Variants in RAP1GAP2 observed in about 807,000 individuals in gnomAD.
RAP1GAP2 encodes rap1 GTPase-activating protein 2.
In RAP1GAP2, 27 loss-of-function variants were observed where a neutral mutation model predicts 95.0. The ratio of observed to expected loss-of-function variants is 0.28; its 90% CI spans 0.21 to 0.39. The LOEUF is 0.39. Among genes scored for constraint, RAP1GAP2 ranks in the 10% least tolerant of loss-of-function variants. The pLI is 1.00. For missense variants in RAP1GAP2, 771 were observed against 970.0 expected (o/e 0.79, Z 2.72); for synonymous variants, 373 against 380.9 (o/e 0.98, Z 0.24).
rs933591296 is a variant in RAP1GAP2, at chr17:3,027,208, G to A, written c.2107+138G>A. 4 of 1,110,872 alleles carry A rather than the reference G, an allele frequency of 3.6e-6. No homozygotes were observed. Among genetic ancestry groups the A allele is most frequent in the Non-Finnish European group, 3.7e-6 (3 of 815,876 alleles). 68.8% of individuals were successfully genotyped at this position (1,110,872 alleles called of 1,614,324 possible). A position where few individuals can be genotyped will look rare whatever the true frequency, so the allele number is the denominator to read the frequency against. ...AGCTGTGAGGCCCTCCGCTCTGTGC[G>A]CCCGCCTCTTCTGTTCATCAGCCTT... On this transcript the variant is annotated intron_variant, in intron 22 of 24. Transcript: ENST00000254695. The surrounding 1 kb of genome is among the most constrained non-coding windows in gnomAD (Gnocchi z 5.2).
intron 2 of RAP1GAP2, among the ~76,000 whole-genome samples, chr17:2,889,617 T>C (rs2073618424): frequency 6.6e-6 from 1 of 151,592 alleles, no homozygotes; most frequent in South Asian, 2.1e-4. Flanking sequence ...CTTTCTTTTC[T>C]AATGTCCCAG....
chr17:3,016,713 C>G (rs1332693365), intron 17 of RAP1GAP2, among the ~76,000 whole-genome samples: 1 of 147,706 alleles, frequency 6.8e-6, no homozygotes, highest in Non-Finnish European at 1.5e-5. Context: ...CTTATCAGAT[C>G]ATTACGATGT....
chr17:2,934,783 G>A (rs932051278), intron 3 of RAP1GAP2, among the ~76,000 whole-genome samples: 4 of 152,208 alleles, frequency 2.6e-5, no homozygotes, highest in African/African-American at 9.6e-5. Context: ...CCTTCCAGTG[G>A]ATGTCCTTTT....
chr17:2,828,079 G>A (rs1229124393), intron 2 of RAP1GAP2, among the ~76,000 whole-genome samples: 2 of 152,148 alleles, frequency 1.3e-5, no homozygotes, highest in South Asian at 2.1e-4. Context: ...GGTGGCTCAC[G>A]CCTGTCATCC....
chr17:2,935,826 C>T (rs558268215), intron 3 of RAP1GAP2, among the ~76,000 whole-genome samples: 184 of 152,242 alleles, frequency 1.2e-3, no homozygotes, highest in African/African-American at 4.0e-3. Flanking sequence ...GTCTGTCTGA[C>T]GCTCAGTCCC....
chr17:2,885,931 G>A (rs2073480069), intron 2 of RAP1GAP2, among the ~76,000 whole-genome samples: 1 of 152,110 alleles, frequency 6.6e-6, no homozygotes, highest in African/African-American at 2.4e-5. Context: ...GAAATGATTC[G>A]GCAGGAAGGC....
In RAP1GAP2 at chr17:2,834,666, A is replaced by G. The variant is rs181446710; in HGVS notation, c.80+34116A>G. Among the ~76,000 whole-genome samples the G allele has an allele frequency of 2.3e-3, 351 of 152,176 alleles. 2 individuals are homozygous for G. Among genetic ancestry groups the G allele is most frequent in the African/African-American group, 7.1e-3 (296 of 41,518 alleles). ...ACAAAAATTAGCTGGGCATGGTGGC[A>G]GGTGCTTGTAGTCTCAGCTACTCAG... On this transcript the variant is annotated intron_variant, in intron 2 of 24. Coordinates refer to ENST00000254695, the MANE Select transcript of RAP1GAP2 (RefSeq NM_015085.5).
At chr17:2,879,579 A>G (rs1335561532) in intron 2 of RAP1GAP2, among the ~76,000 whole-genome samples, 1 of 152,006 alleles carries the variant, frequency 6.6e-6, no homozygotes, top group Non-Finnish European at 1.5e-5. Context: ...TACAAAAAAT[A>G]GCTGGGTATG....
chr17:2,815,717 G>A (rs1231681986), intron 2 of RAP1GAP2, among the ~76,000 whole-genome samples: 1 of 152,010 alleles, frequency 6.6e-6, no homozygotes, highest in Non-Finnish European at 1.5e-5. Context: ...CCTGACCTCA[G>A]GTGATCCGCC....
At chr17:2,884,277 T>G (rs1430363146) in intron 2 of RAP1GAP2, among the ~76,000 whole-genome samples, 1 of 152,090 alleles carries the variant, frequency 6.6e-6, no homozygotes, top group Non-Finnish European at 1.5e-5. Context: ...AGTGGCCCTT[T>G]CATTCATTCT....
rs551844375 is a variant in RAP1GAP2 at position 2,916,861 on chromosome 17, T to C, written c.165+11493T>C. On this transcript the variant is annotated intron_variant, in intron 3 of 24. Transcript: ENST00000254695. Reference sequence around the variant, plus strand: ...CTGGCTCATCAGAGTCCCTTGCCTCTTCTTATGTATCTTCGGGCCCGTGGC... The same window carrying C: ...CTGGCTCATCAGAGTCCCTTGCCTCCTCTTATGTATCTTCGGGCCCGTGGC... Among the ~76,000 whole-genome samples, 6 of 152,310 alleles carry C rather than the reference T, an allele frequency of 3.9e-5. No individual in the cohort carries two copies. In the South Asian group the frequency reaches 1.2e-3, roughly 32 times the overall value.
At chr17:2,878,605 C>T (rs758873657) in intron 2 of RAP1GAP2, among the ~76,000 whole-genome samples, 3 of 152,198 alleles carry the variant, frequency 2.0e-5, no homozygotes, top group Non-Finnish European at 4.4e-5. Context: ...AGGGGTTTCT[C>T]TCGCTGGTTC....
At chr17:2,895,226 G>A (rs1000159284) in intron 2 of RAP1GAP2, among the ~76,000 whole-genome samples, 4 of 152,226 alleles carry the variant, frequency 2.6e-5, no homozygotes, top group African/African-American at 4.8e-5. Context: ...CTGTTACAGT[G>A]AAGACCACCC....
upstream of RAP1GAP2, among the ~76,000 whole-genome samples, chr17:2,792,539 A>G (rs2068951100): frequency 6.6e-6 from 1 of 152,160 alleles, no homozygotes; most frequent in Non-Finnish European, 1.5e-5. Flanking sequence ...ATGGGCCATG[A>G]GCCGTCTGGG....
intron 2 of RAP1GAP2, among the ~76,000 whole-genome samples, chr17:2,838,602 G>A (rs919712858): frequency 5.3e-5 from 8 of 152,116 alleles, no homozygotes; most frequent in African/African-American, 1.4e-4. Context: ...GTCCCACTGC[G>A]GGAACCCTTT....
At chr17:2,896,180 T>C (rs933675982) in intron 2 of RAP1GAP2, among the ~76,000 whole-genome samples, 4 of 152,176 alleles carry the variant, frequency 2.6e-5, no homozygotes, top group Non-Finnish European at 5.9e-5. Flanking sequence ...CAGTCCATGT[T>C]TGGCACTCGG....
chr17:2,958,797 C>T (rs2044210098), intron 4 of RAP1GAP2, among the ~76,000 whole-genome samples: 1 of 151,968 alleles, frequency 6.6e-6, no homozygotes, highest in Non-Finnish European at 1.5e-5. Context: ...AATACAGCAC[C>T]CACGGCAGTC....
Position 2,796,542 on chromosome 17 carries a change from G to A in RAP1GAP2, c.15G>A (p.Lys5=). ...CAGCCACAACCATGTTTGGCCGGAAGCGCAGTGTCTCCTTTGGGGGCTTCG... is the reference window on the plus strand; with the variant it reads ...CAGCCACAACCATGTTTGGCCGGAAACGCAGTGTCTCCTTTGGGGGCTTCG... MFGR[K]RSVSFGGFGW... Residue 5 remains lysine (K), a synonymous_variant, in exon 1 of 25, where the codon AAG becomes AAA. Transcript: ENST00000254695. The surrounding 1 kb of genome is among the most constrained non-coding windows in gnomAD (Gnocchi z 4.7). 6.4e-7 allele frequency: 1 copy of A among 1,564,558 alleles called. No homozygotes were observed. The highest frequency in any genetic ancestry group is 8.7e-7 in the Non-Finnish European group (1 of 1,154,464).
chr17:2,873,154 T>C (rs1445344841), intron 2 of RAP1GAP2, among the ~76,000 whole-genome samples: 1 of 149,846 alleles, frequency 6.7e-6, no homozygotes, highest in Non-Finnish European at 1.5e-5. Context: ...TGTTGGCTTG[T>C]ATTTGCATAA....
Sources: allele counts gnomAD v4.1 joint callset (sites outside exome capture counted in the v4.1 genomes callset), GRCh38; gene constraint gnomAD v4.1.1; non-coding constraint Gnocchi (gnomAD v3.1); transcripts MANE v1.5; gene names NCBI Gene and HGNC (gene_info 2026-07-23, HGNC 2026-07-21).